SMYD3: variants seen among roughly 807,000 people sequenced by gnomAD.
SMYD3 encodes SET and MYND domain containing 3, also known as histone-lysine N-methyltransferase SMYD3.
A neutral mutation model predicts 57.7 loss-of-function variants in SMYD3; 36 were observed. That is an observed-to-expected ratio of 0.62 (90% CI 0.48 to 0.82). The LOEUF (loss-of-function observed/expected upper bound fraction) is 0.82, where lower values mean the gene tolerates loss of function less well. SMYD3 is among the 40% of genes least tolerant of loss of function. The pLI is 0.00. For missense variants in SMYD3, 515 were observed against 538.8 expected (o/e 0.96, Z 0.44); for synonymous variants, 211 against 195.0 (o/e 1.08, Z -0.68).
intron 5 of SMYD3, among the ~76,000 whole-genome samples, chr1:246,040,687 T>C (rs978810159): frequency 1.3e-5 from 2 of 152,230 alleles, no homozygotes; most frequent in Non-Finnish European, 2.9e-5. Context: ...CGTATCTCCT[T>C]TCATTTGAAA....
At chr1:246,001,132 G>A (rs1215163819) in intron 5 of SMYD3, among the ~76,000 whole-genome samples, 2 of 152,202 alleles carry the variant, frequency 1.3e-5, no homozygotes, top group Admixed American at 6.5e-5. Flanking sequence ...AAGGCCAACA[G>A]ACAGAACCAT....
intron 5 of SMYD3, among the ~76,000 whole-genome samples, chr1:246,264,728 A>C (rs2064071863): frequency 1.3e-5 from 2 of 152,224 alleles, no homozygotes; most frequent in Admixed American, 1.3e-4. Flanking sequence ...AATTCCTAAG[A>C]TCTAACTAGT....
At chr1:246,004,857 T>A (rs2059141938) in intron 5 of SMYD3, among the ~76,000 whole-genome samples, 2 of 152,194 alleles carry the variant, frequency 1.3e-5, no homozygotes, top group African/African-American at 4.8e-5. Flanking sequence ...TAATAATTTT[T>A]TTTTTGAGAC....
chr1:245,773,073 G>T (rs377580433), intron 10 of SMYD3, among the ~76,000 whole-genome samples: 2 of 147,384 alleles, frequency 1.4e-5, no homozygotes, highest in Non-Finnish European at 3.0e-5. Flanking sequence ...CACTGGGTTG[G>T]GGGTGGGGAG....
At chr1:245,751,519 T>TGAGAGA (rs111682176) in intron 11 of SMYD3, among the ~76,000 whole-genome samples, 6 of 87,786 alleles carry the variant, frequency 6.8e-5, no homozygotes, top group African/African-American at 2.0e-4. Context: ...GATTTGCTGC[T>TGAGAGA]GAGAGAGAGA....
rs1419055831 is a variant in SMYD3, at chr1:246,071,839, GT to G, written c.532-141903del. ...ACTGTGCTCACTGTGGATGCTTCCT[GT>G]TAGTTCTGGGGAGGGATTCGTGTGC... On this transcript the variant is annotated intron_variant, in intron 5 of 11. Transcript: ENST00000490107. 2.7e-3 allele frequency among the ~76,000 whole-genome samples: 371 copies of G among 135,762 alleles called. No individual in the cohort carries two copies. The East Asian group carries it at 0.032, about 12-fold the overall frequency. 89.1% of individuals were successfully genotyped at this position (135,762 alleles called of 152,430 possible). A position where few individuals can be genotyped will look rare whatever the true frequency, so the allele number is the denominator to read the frequency against.
chr1:246,213,426 G>C lies in SMYD3; in HGVS notation c.531+113775C>G, dbSNP rs76159072. ...TTGAGTCAGGTTATCTCCTAAGTCC[G>C]TGTTTCCACCATTATAGCACATATG... On this transcript the variant is annotated intron_variant, in intron 5 of 11. Coordinates refer to ENST00000490107, the MANE Select transcript of SMYD3 (RefSeq NM_001167740.2). 4.3e-3 allele frequency among the ~76,000 whole-genome samples: 655 copies of C among 152,208 alleles called. 7 individuals carry two copies. Among genetic ancestry groups the C allele is most frequent in the African/African-American group, 0.014 (581 of 41,480 alleles).
chr1:246,459,055 T>TG lies in SMYD3; in HGVS notation c.164+47998dup, dbSNP rs367826327. Reference sequence around the variant, plus strand: ...CCCGTGTGTTGAAGGAGGGGCCTGATGGGGGGGTGACTGAATCATGGGGGC... The same window carrying TG: ...CCCGTGTGTTGAAGGAGGGGCCTGATGGGGGGGGTGACTGAATCATGGGGGC... On this transcript the variant is annotated intron_variant, in intron 1 of 11. Coordinates refer to ENST00000490107, the MANE Select transcript of SMYD3 (RefSeq NM_001167740.2). Among the ~76,000 whole-genome samples, 453 of 152,044 alleles carry TG rather than the reference T, an allele frequency of 3.0e-3. 4 individuals carry two copies. The highest frequency in any genetic ancestry group is 0.01 in the African/African-American group (422 of 41,492).
chr1:246,372,220 C>T (rs935266830), intron 1 of SMYD3, among the ~76,000 whole-genome samples: 3 of 152,158 alleles, frequency 2.0e-5, no homozygotes, highest in African/African-American at 7.2e-5. Flanking sequence ...CGACAGTTAA[C>T]GGGGGTTGGT....
At chr1:245,933,119 G>C (rs1339270409) in intron 5 of SMYD3, among the ~76,000 whole-genome samples, 2 of 152,034 alleles carry the variant, frequency 1.3e-5, no homozygotes, top group African/African-American at 2.4e-5. Context: ...GAAAGGAATT[G>C]CTCTTTATAT....
At chr1:246,430,837 G>C (rs563962064) in intron 1 of SMYD3, among the ~76,000 whole-genome samples, 17 of 152,314 alleles carry the variant, frequency 1.1e-4, no homozygotes, top group African/African-American at 3.6e-4. Flanking sequence ...AACATTAGTG[G>C]AATGAGCAGA....
intron 5 of SMYD3, among the ~76,000 whole-genome samples, chr1:246,074,974 C>T (rs2060522876): frequency 1.3e-5 from 2 of 151,026 alleles, no homozygotes; most frequent in African/African-American, 4.9e-5. Context: ...TAAGAGAATC[C>T]AGAAACCTAT....
chr1:246,424,427 A>C (rs1435188597), intron 1 of SMYD3, among the ~76,000 whole-genome samples: 1 of 152,144 alleles, frequency 6.6e-6, no homozygotes, highest in African/African-American at 2.4e-5. Flanking sequence ...AATTAAAAAA[A>C]TAAATAAATA....
chr1:245,783,681 T>C (rs1268642193), intron 10 of SMYD3, among the ~76,000 whole-genome samples: 1 of 152,064 alleles, frequency 6.6e-6, no homozygotes, highest in Non-Finnish European at 1.5e-5. Context: ...ATCTAATAAG[T>C]GAATTAAGTA....
chr1:245,993,995 T>G (rs2058871476), intron 5 of SMYD3, among the ~76,000 whole-genome samples: 1 of 152,204 alleles, frequency 6.6e-6, no homozygotes, highest in African/African-American at 2.4e-5. Context: ...ATCCCCATGG[T>G]TAATCGCTTT....
intron 10 of SMYD3, among the ~76,000 whole-genome samples, chr1:245,832,109 A>T (rs2049869922): frequency 6.6e-6 from 1 of 152,170 alleles, no homozygotes; most frequent in Non-Finnish European, 1.5e-5. Context: ...TCAGTCCAGA[A>T]AGGATCTGTC....
At chr1:246,439,056 T>G (rs912489267) in intron 1 of SMYD3, among the ~76,000 whole-genome samples, 3 of 144,128 alleles carry the variant, frequency 2.1e-5, no homozygotes, top group Non-Finnish European at 4.6e-5. Context: ...ATAGTTGTTA[T>G]GCTGTATTGG....
At chr1:246,419,540 T>C (rs951249062) in intron 1 of SMYD3, among the ~76,000 whole-genome samples, 1 of 152,180 alleles carries the variant, frequency 6.6e-6, no homozygotes, top group Non-Finnish European at 1.5e-5. Context: ...GCAGAAGTGC[T>C]TGTCCTCACC....
At chr1:246,472,106 A>T (rs995341490) in intron 1 of SMYD3, among the ~76,000 whole-genome samples, 3 of 152,210 alleles carry the variant, frequency 2.0e-5, no homozygotes, top group Non-Finnish European at 4.4e-5. Context: ...AATGAAAACC[A>T]AAGGTTAAAT....
Sources: gnomAD v4.1 joint callset for allele counts (sites outside exome capture counted in the v4.1 genomes callset) on GRCh38, gnomAD v4.1.1 for gene constraint, MANE v1.5 for transcripts, NCBI Gene and HGNC (gene_info 2026-07-23, HGNC 2026-07-21) for gene names.